DPP3: variants seen among roughly 807,000 people sequenced by gnomAD.
The protein encoded by DPP3 is DPP III.
Under a neutral mutation model 89.8 loss-of-function variants are expected in DPP3, and 64 were observed. That is an observed-to-expected ratio of 0.71 (90% CI 0.58 to 0.88). DPP3 has a LOEUF of 0.88. Among genes scored for constraint, DPP3 ranks in the 40% least tolerant of loss-of-function variants. The pLI, the probability that DPP3 is intolerant of heterozygous loss-of-function variation, is 0.00. For synonymous variants in DPP3, 377 were observed against 404.3 expected (o/e 0.93, Z 0.81); for missense variants, 835 against 972.5 (o/e 0.86, Z 1.88).
At chr11:66,483,599 C>T (rs1036374154) in intron 2 of DPP3, among the ~76,000 whole-genome samples, 1 of 152,032 alleles carries the variant, frequency 6.6e-6, no homozygotes, top group Non-Finnish European at 1.5e-5. Context: ...TTTAGCTTGT[C>T]CCGTTTTTCT....
chr11:66,495,644 A>AG lies in DPP3; in HGVS notation c.1597dup (p.Ala533GlyfsTer2), dbSNP rs1855514868. 2.5e-6 allele frequency: 4 copies of AG among 1,613,946 alleles called. No homozygotes were observed. Among genetic ancestry groups the AG allele is most frequent in the African/African-American group, 2.7e-5 (2 of 74,900 alleles). ...CCCTCTCACAGGATCTTTGGCTTTG[A>AG]GGGGGCTGATGCGGAGGACGTGATC... is the stretch of plus-strand genomic sequence containing the variant. On this transcript the variant is annotated frameshift_variant, in exon 15 of 18. Transcript: ENST00000531863. LOFTEE classifies it high-confidence loss of function.
chr11:66,500,039 G>A (rs1855641267), intron 16 of DPP3, among the ~76,000 whole-genome samples: 6 of 151,870 alleles, frequency 4.0e-5, no homozygotes, highest in Admixed American at 3.3e-4. Context: ...TACTGACAAA[G>A]GGTTCATATT....
At position 66,491,341 on chromosome 11, in the gene DPP3, G is replaced by T; in HGVS notation, c.756G>T (p.Ala252=). 1 of 1,614,008 alleles carries T rather than the reference G, an allele frequency of 6.2e-7. No individual in the cohort carries two copies. Among genetic ancestry groups the T allele is most frequent in the Non-Finnish European group, 8.5e-7 (1 of 1,180,006 alleles). Reference sequence around the variant, plus strand: ...TCCAGGTGACCCGGGGGGACTACGCGCCCATCCTCCAGAAGGTGGTGGAGC... The same window carrying T: ...TCCAGGTGACCCGGGGGGACTACGCTCCCATCCTCCAGAAGGTGGTGGAGC... The part of the protein sequence containing the change: ...SPFQVTRGDY[A]PILQKVVEQL... The change falls in exon 7 of 18, where the codon GCG becomes GCT. Residue 252 remains alanine (A), a synonymous_variant. Coordinates refer to ENST00000531863, the MANE Select transcript of DPP3 (RefSeq NM_130443.4).
chr11:66,492,710 C>T lies in DPP3; in HGVS notation c.989-6C>T, dbSNP rs374059409. ...GCCAAGCCACAACCCCCTCCCTCCT[C>T]TGCAGGTTTCGTAGCTGTGGTGAAC... On this transcript the variant is annotated splice_polypyrimidine_tract_variant and splice_region_variant and intron_variant, in intron 9 of 17. Transcript: ENST00000531863. 1.9e-6 allele frequency: 3 copies of T among 1,573,818 alleles called. No individual in the cohort carries two copies. The highest frequency in any genetic ancestry group is 2.6e-6 in the Non-Finnish European group (3 of 1,161,384).
At chr11:66,489,110 G>C (rs7943327) in intron 6 of DPP3, among the ~76,000 whole-genome samples, 40,790 of 151,974 alleles carry the variant, frequency 0.27, 5,871 homozygotes, top group African/African-American at 0.33. Flanking sequence ...GGTGATCCGC[G>C]TGCCTCTCGG....
At chr11:66,508,689 A>C (rs1209660703) in intron 17 of DPP3, among the ~76,000 whole-genome samples, 1 of 151,842 alleles carries the variant, frequency 6.6e-6, no homozygotes, top group East Asian at 1.9e-4. Context: ...CGCCCAGCTA[A>C]TTTTTTTGTA....
chr11:66,505,389 G>C (rs1181342282), intron 17 of DPP3, among the ~76,000 whole-genome samples: 2 of 152,194 alleles, frequency 1.3e-5, no homozygotes, highest in African/African-American at 4.8e-5. Flanking sequence ...GTGTGTTATG[G>C]AGAGGTTAGA....
At position 66,482,566 on chromosome 11, in the gene DPP3, G is replaced by A. The variant is rs990355017; in HGVS notation, c.270+96G>A. 4 of 1,519,534 alleles carry A rather than the reference G, an allele frequency of 2.6e-6. No homozygotes were observed. In the African/African-American group the frequency reaches 4.1e-5, roughly 16 times the overall value. The allele number at this position is 1,519,534 out of a possible 1,614,324, so 94.1% of individuals were successfully genotyped here. ...TGTCTCTTTCAAGGGGTAGGTGGAG[G>A]ATTAGACCAAAGGTTACAAATTCAG... On this transcript the variant is annotated intron_variant, in intron 2 of 17. Coordinates refer to ENST00000531863, the MANE Select transcript of DPP3 (RefSeq NM_130443.4).
intron 16 of DPP3, among the ~76,000 whole-genome samples, chr11:66,500,654 G>A (rs911067316): frequency 4.6e-5 from 7 of 152,180 alleles, no homozygotes; most frequent in Non-Finnish European, 7.3e-5. Flanking sequence ...AAACAGCAGC[G>A]TCATCTCTTA....
intron 1 of DPP3, 42 bp from the exon 2 acceptor site, chr11:66,482,151 T>C: frequency 6.2e-7 from 1 of 1,605,302 alleles, no homozygotes. Context: ...ATGCAATTGG[T>C]ATGGGGTAAA....
intron 15 of DPP3, 95 bp downstream of exon 15, chr11:66,495,845 A>G: frequency 1.3e-6 from 2 of 1,522,412 alleles, no homozygotes; most frequent in Non-Finnish European, 1.8e-6. Context: ...CCTTTAAGGC[A>G]GATGAACTGG....
intron 6 of DPP3, among the ~76,000 whole-genome samples, chr11:66,490,134 A>G (rs960132987): frequency 2.1e-5 from 3 of 144,990 alleles, no homozygotes; most frequent in African/African-American, 7.8e-5. Flanking sequence ...GCAACCTTAC[A>G]AGATCCTATC....
chr11:66,496,208 T>A (rs2134738911), intron 15 of DPP3, among the ~76,000 whole-genome samples: 1 of 152,346 alleles, frequency 6.6e-6, no homozygotes, highest in Non-Finnish European at 1.5e-5. Context: ...CAGTTATGTG[T>A]CCTTTGGATA....
intron 17 of DPP3, 99 bp downstream of exon 17, chr11:66,504,873 C>A: frequency 7.6e-7 from 1 of 1,307,886 alleles, no homozygotes; most frequent in Non-Finnish European, 1.0e-6. Context: ...CAATAAGAAC[C>A]TAACCCAGCC....
At chr11:66,488,430 C>T (rs985175752) in intron 6 of DPP3, among the ~76,000 whole-genome samples, 53 of 152,178 alleles carry the variant, frequency 3.5e-4, no homozygotes, top group African/African-American at 1.2e-3. Context: ...GGCGTGGTGG[C>T]GTGTGCCTGT....
chr11:66,492,957 G>T, intron 10 of DPP3, 47 bp downstream of exon 10: 1 of 1,597,142 alleles, frequency 6.3e-7, no homozygotes, highest in Non-Finnish European at 8.5e-7. Context: ...CCTTCCTTTA[G>T]AGTCGCCCCT....
chr11:66,482,608 G>A (rs1855119675), intron 2 of DPP3, 138 bp downstream of exon 2: 1 of 1,290,604 alleles, frequency 7.7e-7, no homozygotes, highest in East Asian at 2.5e-5. Flanking sequence ...CCCCTCTCTG[G>A]AGCCTCAGTC....
At chr11:66,493,046 G>A in intron 10 of DPP3, 21 bp from the exon 11 acceptor site, 4 of 1,613,642 alleles carry the variant, frequency 2.5e-6, no homozygotes, top group African/African-American at 1.3e-5. Context: ...CTTCTTTCTG[G>A]TCCTTCTCCA....
intron 6 of DPP3, among the ~76,000 whole-genome samples, chr11:66,490,767 G>GTTTTTTTTTTTTTTTTT (rs1441207501): frequency 1.4e-5 from 2 of 138,088 alleles, no homozygotes; most frequent in East Asian, 4.2e-4. Context: ...TGTTTTTTTT[G>GTTTTTTTTTTTTTTTTT]TTTTGTTTTT....
Sources: allele counts gnomAD v4.1 joint callset (sites outside exome capture counted in the v4.1 genomes callset), GRCh38; gene constraint gnomAD v4.1.1; transcripts MANE v1.5; gene names NCBI Gene and HGNC (gene_info 2026-07-23, HGNC 2026-07-21).